The following TMEM114 variants were observed in gnomAD, a reference collection of about 807,000 sequenced individuals.
The protein encoded by TMEM114 is transmembrane protein 114.
TMEM114 carries 6 observed loss-of-function variants against 6.2 expected under a neutral mutation model. The observed-to-expected ratio is 0.97, with a 90% CI of 0.53 to 1.91. TMEM114 has a LOEUF of 1.91. Among genes scored for constraint, TMEM114 ranks in the 40% most tolerant of loss-of-function variants. TMEM114 has a pLI of 0.01. For missense variants in TMEM114, 218 were observed against 158.3 expected (o/e 1.38, Z -2.02); for synonymous variants, 104 against 73.0 (o/e 1.42, Z -2.16).
At chr16:8,575,494 G>A (rs992559286) in intron 2 of TMEM114, among the ~76,000 whole-genome samples, 4 of 152,196 alleles carry the variant, frequency 2.6e-5, no homozygotes, top group African/African-American at 9.7e-5. Flanking sequence ...ACAGGGACCA[G>A]GCAGGATAAA....
At chr16:8,539,905 C>T (rs1413073135) in intron 2 of TMEM114, among the ~76,000 whole-genome samples, 1 of 152,170 alleles carries the variant, frequency 6.6e-6, no homozygotes, top group Non-Finnish European at 1.5e-5. Flanking sequence ...GCAGCCTCCA[C>T]CTCCCAGATT....
chr16:8,572,021 A>T, intron 3 of TMEM114, 66 bp downstream of exon 3: 5 of 1,460,396 alleles, frequency 3.4e-6, no homozygotes, highest in Non-Finnish European at 4.5e-6. Flanking sequence ...CTGAGGGTTC[A>T]TACACAGTAC....
At chr16:8,535,768 C>T (rs1009884588), downstream of TMEM114, among the ~76,000 whole-genome samples, 3 of 152,174 alleles carry the variant, frequency 2.0e-5, no homozygotes, top group South Asian at 2.1e-4. Context: ...GGGAGACTCA[C>T]TGCGTAGGGA....
chr16:8,552,653 A>G (rs1044105129), intron 2 of TMEM114, among the ~76,000 whole-genome samples: 1 of 151,472 alleles, frequency 6.6e-6, no homozygotes, highest in Non-Finnish European at 1.5e-5. Flanking sequence ...AAGGTACTCT[A>G]TGTACTATTT....
At chr16:8,539,036 G>T (rs985733682) in intron 2 of TMEM114, among the ~76,000 whole-genome samples, 3 of 152,138 alleles carry the variant, frequency 2.0e-5, no homozygotes, top group African/African-American at 7.2e-5. Flanking sequence ...ATGTTTGAAT[G>T]AATAAATAAA....
Position 8,542,512 on chromosome 16 carries a change from A to G in TMEM114, n.213-4686T>C, listed in dbSNP as rs142913161. Among the ~76,000 whole-genome samples, 52 of 152,344 alleles carry G rather than the reference A, an allele frequency of 3.4e-4. No homozygotes were observed. In the East Asian group the frequency reaches 8.1e-3, roughly 24 times the overall value. Reference sequence around the variant, plus strand: ...GCAAAGGATTGGGCCTGATTGAGCTAGACCTGCTTTTCAAAAATTCTAAAT... The same window carrying G: ...GCAAAGGATTGGGCCTGATTGAGCTGGACCTGCTTTTCAAAAATTCTAAAT... On this transcript the variant is annotated intron_variant and non_coding_transcript_variant, in intron 2 of 2. Transcript: ENST00000623677.
chr16:8,569,154 C>T (rs1183456531), downstream of TMEM114, among the ~76,000 whole-genome samples: 1 of 152,178 alleles, frequency 6.6e-6, no homozygotes, highest in African/African-American at 2.4e-5. Flanking sequence ...AGGGGCAGAA[C>T]ACCAGGATGA....
At chr16:8,567,850 G>A (rs1440932825), downstream of TMEM114, among the ~76,000 whole-genome samples, 1 of 152,174 alleles carries the variant, frequency 6.6e-6, no homozygotes, top group East Asian at 1.9e-4. Context: ...TCGGTAGCAT[G>A]GTTGCCCTCA....
At chr16:8,561,730 G>C (rs1168544274) in intron 2 of TMEM114, among the ~76,000 whole-genome samples, 1 of 152,046 alleles carries the variant, frequency 6.6e-6, no homozygotes, top group Non-Finnish European at 1.5e-5. Context: ...AGTGAGGGAG[G>C]AAGGCAATGA....
At chr16:8,548,491 C>T (rs1478241727) in intron 2 of TMEM114, among the ~76,000 whole-genome samples, 1 of 152,014 alleles carries the variant, frequency 6.6e-6, no homozygotes, top group Non-Finnish European at 1.5e-5. Context: ...TCCTAATCGT[C>T]ACCCCACACA....
chr16:8,571,794 C>T (rs1417740891), intron 3 of TMEM114, among the ~76,000 whole-genome samples: 1 of 152,296 alleles, frequency 6.6e-6, no homozygotes, highest in East Asian at 1.9e-4. Context: ...GCTCACAGCC[C>T]TAAAGCTTGA....
chr16:8,567,137 G>A (rs1398240906), downstream of TMEM114, among the ~76,000 whole-genome samples: 3 of 151,126 alleles, frequency 2.0e-5, no homozygotes, highest in East Asian at 3.9e-4. Flanking sequence ...TCGAACTCCT[G>A]ACCTCAGGTG....
chr16:8,548,251 G>C (rs959148255), intron 2 of TMEM114, among the ~76,000 whole-genome samples: 2 of 152,138 alleles, frequency 1.3e-5, no homozygotes, highest in Non-Finnish European at 2.9e-5. Context: ...GACATAATAT[G>C]AGTTCCTGCC....
In TMEM114 at chr16:8,589,831, A is replaced by C; in HGVS notation, c.8T>G (p.Val3Gly). ...CGCGCCGGCCAGCCCGCCCAGGTGC[A>C]CCCGCATCGCCGAGCCCAGGACCAG... MRVHLGGLAGAAA... is the reference protein window; with the variant it reads MRGHLGGLAGAAA... The change falls in exon 1 of 4, where the codon GTG (valine) becomes GGG (glycine). Residue 3 changes from valine (V) to glycine (G), a missense_variant. Physicochemically the swap from Val to Gly is moderately radical, Grantham distance 109. Coordinates refer to ENST00000620492, the MANE Select transcript of TMEM114 (RefSeq NM_001146336.2). The C allele has an allele frequency of 2.5e-6, 1 of 397,478 alleles. No homozygotes were observed. The highest frequency in any genetic ancestry group is 1.3e-4 in the South Asian group (1 of 7,810). 24.6% of individuals were successfully genotyped at this position (397,478 alleles called of 1,614,324 possible). A position where few individuals can be genotyped will look rare whatever the true frequency, so the allele number is the denominator to read the frequency against.
chr16:8,568,284 A>G (rs113819849), downstream of TMEM114, among the ~76,000 whole-genome samples: 845 of 152,098 alleles, frequency 5.6e-3, 9 homozygotes, highest in African/African-American at 0.018. Context: ...TTGCCCCCCC[A>G]GTTGCTGGTG....
intron 2 of TMEM114, among the ~76,000 whole-genome samples, chr16:8,548,264 T>G (rs1217549097): frequency 2.0e-5 from 3 of 152,184 alleles, no homozygotes; most frequent in African/African-American, 7.2e-5. Flanking sequence ...TTCCTGCCTC[T>G]CAGGGTTGCT....
the TMEM114 span, among the ~76,000 whole-genome samples, chr16:8,528,398 G>C: frequency 1.3e-5 from 2 of 152,122 alleles, no homozygotes; most frequent in Non-Finnish European, 2.9e-5. Context: ...TAGTTAATAG[G>C]CATCAACACT....
intron 2 of TMEM114, among the ~76,000 whole-genome samples, chr16:8,548,694 G>GTGTGTATATATATATATATATATATATA (rs1555461967): frequency 7.1e-6 from 1 of 139,898 alleles, no homozygotes; most frequent in Non-Finnish European, 1.6e-5. Flanking sequence ...AAATTGCCAT[G>GTGTGTATATATATATATATATATATATA]TATATATATA....
chr16:8,564,860 AAT>A (rs1403340754), downstream of TMEM114, among the ~76,000 whole-genome samples: 26 of 36,766 alleles, frequency 7.1e-4, no homozygotes, highest in South Asian at 2.3e-3. Flanking sequence ...TGAGTGAGTG[AAT>A]GAATGAGGGA....
Sources: allele counts gnomAD v4.1 joint callset (sites outside exome capture counted in the v4.1 genomes callset), GRCh38; gene constraint gnomAD v4.1.1; transcripts MANE v1.5; gene names NCBI Gene and HGNC (gene_info 2026-07-23, HGNC 2026-07-21).